PGM5: variants seen among roughly 807,000 people sequenced by gnomAD.
The protein encoded by PGM5 is phosphoglucomutase 5.
Under a neutral mutation model 59.2 loss-of-function variants are expected in PGM5, and 23 were observed. That is an observed-to-expected ratio of 0.39 (90% CI 0.28 to 0.55). The LOEUF (loss-of-function observed/expected upper bound fraction) is 0.55. Ranked by LOEUF, PGM5 falls within the 20% of genes least tolerant of loss-of-function variation. The pLI is 0.66. For synonymous variants in PGM5, 214 were observed against 286.0 expected (o/e 0.75, Z 2.54); for missense variants, 574 against 748.3 (o/e 0.77, Z 2.72).
chr9:68,397,696 G>A (rs1822547029), intron 6 of PGM5: 1 of 152,218 alleles, frequency 6.6e-6, no homozygotes, highest in Admixed American at 6.5e-5. Flanking sequence ...AACACAAATT[G>A]TAACACAGGC....
chr9:68,513,861 C>T (rs1824787225), intron 10 of PGM5, among the ~76,000 whole-genome samples: 1 of 152,188 alleles, frequency 6.6e-6, no homozygotes, highest in Non-Finnish European at 1.5e-5. Flanking sequence ...GTAAGTGTTT[C>T]TATATTGTTG....
At chr9:68,522,586 A>G (rs542945360) in intron 10 of PGM5, among the ~76,000 whole-genome samples, 2 of 152,350 alleles carry the variant, frequency 1.3e-5, no homozygotes, top group East Asian at 3.9e-4. Flanking sequence ...ATACTGGACC[A>G]TGATGGTACC....
intron 6 of PGM5, among the ~76,000 whole-genome samples, chr9:68,445,687 T>A (rs1010144469): frequency 1.3e-5 from 2 of 152,238 alleles, no homozygotes; most frequent in African/African-American, 4.8e-5. Context: ...GTTCTGATCG[T>A]ATGAAGACCT....
At chr9:68,487,447 C>CTCTCTG (rs10648860) in intron 9 of PGM5, among the ~76,000 whole-genome samples, 6,667 of 146,646 alleles carry the variant, frequency 0.045, 526 homozygotes, top group African/African-American at 0.16. Context: ...CTCTCTCTCT[C>CTCTCTG]TGTGTCACAC....
At position 68,500,745 on chromosome 9, in the gene PGM5, T is replaced by C. The variant is rs530593294; in HGVS notation, c.1614+1384T>C. On this transcript the variant is annotated intron_variant, in intron 10 of 10. Transcript: ENST00000396396. The stretch of plus-strand genomic sequence containing the variant: ...AGTCCAGAGCTACGTACGTGAGGAA[T>C]GATATTCCTGGCCTCACCAACTCTG... Among the ~76,000 whole-genome samples, 55 of 152,326 alleles carry C rather than the reference T, an allele frequency of 3.6e-4. 1 individual carries two copies. The South Asian group carries it at 0.011, about 31-fold the overall frequency.
intron 6 of PGM5, among the ~76,000 whole-genome samples, chr9:68,427,182 G>A (rs1228531401): frequency 6.6e-6 from 1 of 152,220 alleles, no homozygotes; most frequent in African/African-American, 2.4e-5. Flanking sequence ...TCTTGAATCT[G>A]AGAATTCCTT....
intron 10 of PGM5, among the ~76,000 whole-genome samples, chr9:68,517,004 C>A (rs1824834176): frequency 6.6e-6 from 1 of 151,560 alleles, no homozygotes; most frequent in Non-Finnish European, 1.5e-5. Flanking sequence ...CCTGAGAAGC[C>A]GGGACTACAG....
At chr9:68,416,288 A>G (rs1301469665) in intron 6 of PGM5, among the ~76,000 whole-genome samples, 1 of 152,248 alleles carries the variant, frequency 6.6e-6, no homozygotes, top group Non-Finnish European at 1.5e-5. Flanking sequence ...TTCCGGCAGT[A>G]GTGCATGATG....
intron 9 of PGM5, among the ~76,000 whole-genome samples, chr9:68,496,112 A>G (rs1824478674): frequency 6.6e-6 from 1 of 152,260 alleles, no homozygotes; most frequent in Non-Finnish European, 1.5e-5. Flanking sequence ...AACCCCTAGT[A>G]TAACCTAAAA....
intron 9 of PGM5, among the ~76,000 whole-genome samples, chr9:68,484,639 A>G (rs527666349): frequency 6.6e-6 from 1 of 152,100 alleles, no homozygotes; most frequent in African/African-American, 2.4e-5. Context: ...TATGTCCAGT[A>G]TTTGTCCCAC....
At chr9:68,436,738 G>A (rs1823447376) in intron 6 of PGM5, among the ~76,000 whole-genome samples, 1 of 152,192 alleles carries the variant, frequency 6.6e-6, no homozygotes, top group Non-Finnish European at 1.5e-5. Context: ...TTGCAACCAG[G>A]AAAGCTGATT....
intron 1 of PGM5, among the ~76,000 whole-genome samples, chr9:68,377,146 C>T (rs1414020842): frequency 6.6e-6 from 1 of 152,022 alleles, no homozygotes; most frequent in Non-Finnish European, 1.5e-5. Context: ...AGGCTGGTCT[C>T]GAACTCTGGA....
intron 6 of PGM5, among the ~76,000 whole-genome samples, chr9:68,404,817 G>A (rs1265237800): frequency 6.6e-6 from 1 of 152,140 alleles, no homozygotes; most frequent in Non-Finnish European, 1.5e-5. Context: ...ATATCACTTG[G>A]GATCTTTGTG....
intron 10 of PGM5, among the ~76,000 whole-genome samples, chr9:68,502,984 C>T (rs955551408): frequency 2.6e-5 from 4 of 152,142 alleles, no homozygotes; most frequent in South Asian, 2.1e-4. Context: ...CCACCACATC[C>T]GGCTTTAAGT....
intron 7 of PGM5, among the ~76,000 whole-genome samples, chr9:68,468,481 A>T (rs1823971096): frequency 6.6e-6 from 1 of 152,224 alleles, no homozygotes; most frequent in Admixed American, 6.5e-5. Context: ...TAAAGGGGTA[A>T]ATATTCCATG....
chr9:68,502,743 G>A (rs1824597962), intron 10 of PGM5, among the ~76,000 whole-genome samples: 1 of 152,176 alleles, frequency 6.6e-6, no homozygotes, highest in African/African-American at 2.4e-5. Context: ...AGGTTGAAGT[G>A]CAGTGGCATG....
At chr9:68,499,194 T>G in intron 9 of PGM5, 33 bp from the exon 10 acceptor site, 12 of 1,612,670 alleles carry the variant, frequency 7.4e-6, no homozygotes, top group Non-Finnish European at 1.0e-5. Context: ...ATTCATTTGC[T>G]CACTGCTCCA....
intron 6 of PGM5, among the ~76,000 whole-genome samples, chr9:68,407,385 G>A (rs551417955): frequency 9.4e-4 from 143 of 152,122 alleles, no homozygotes; most frequent in African/African-American, 3.1e-3. Flanking sequence ...CTCCTGCCTC[G>A]GCCTCTCAAA....
chr9:68,424,830 A>G (rs1823206607), intron 6 of PGM5, among the ~76,000 whole-genome samples: 1 of 152,296 alleles, frequency 6.6e-6, no homozygotes, highest in Non-Finnish European at 1.5e-5. Context: ...GACTAGTGGG[A>G]GGTTGCACTG....
Sources: allele counts gnomAD v4.1 joint callset (sites outside exome capture counted in the v4.1 genomes callset), GRCh38; gene constraint gnomAD v4.1.1; transcripts MANE v1.5; gene names NCBI Gene and HGNC (gene_info 2026-07-23, HGNC 2026-07-21).